The following LAPTM4B variants were observed in gnomAD, a reference collection of about 807,000 sequenced individuals.
LAPTM4B encodes the protein lysosomal-associated transmembrane protein 4B.
A neutral mutation model predicts 28.5 loss-of-function variants in LAPTM4B; 26 were observed. The observed-to-expected ratio is 0.91, with a 90% confidence interval of 0.67 to 1.27. The LOEUF (loss-of-function observed/expected upper bound fraction) is 1.27, where lower values mean the gene tolerates loss of function less well. Ranked by LOEUF, LAPTM4B falls within the 50% of genes most tolerant of loss-of-function variation. The pLI is 0.00. For missense variants in LAPTM4B, 288 were observed against 285.8 expected (o/e 1.01, Z -0.06); for synonymous variants, 109 against 106.4 (o/e 1.02, Z -0.15).
At chr8:97,842,426 C>G (rs2129848909) in intron 6 of LAPTM4B, among the ~76,000 whole-genome samples, 1 of 152,248 alleles carries the variant, frequency 6.6e-6, no homozygotes, top group Admixed American at 6.5e-5. Flanking sequence ...TTCAGTAGCC[C>G]CTGCTTTTGG....
intron 4 of LAPTM4B, among the ~76,000 whole-genome samples, chr8:97,816,415 A>C (rs1003938288): frequency 6.6e-6 from 1 of 151,830 alleles, no homozygotes; most frequent in Non-Finnish European, 1.5e-5. Context: ...CCAGGGTCTC[A>C]GCCTCCCAGC....
At chr8:97,823,087 C>T (rs1345379799) in intron 5 of LAPTM4B, among the ~76,000 whole-genome samples, 1 of 152,124 alleles carries the variant, frequency 6.6e-6, no homozygotes, top group East Asian at 1.9e-4. Context: ...GTGATCCGCC[C>T]ACCTCGGCCT....
chr8:97,823,356 G>GT (rs72472850), intron 5 of LAPTM4B, among the ~76,000 whole-genome samples: 7,465 of 130,310 alleles, frequency 0.057, 770 homozygotes, highest in African/African-American at 0.21. Flanking sequence ...TTTTTTTTTT[G>GT]TTTTTTTTTT....
chr8:97,788,987 C>G (rs747063205), intron 1 of LAPTM4B, among the ~76,000 whole-genome samples: 2 of 151,932 alleles, frequency 1.3e-5, no homozygotes, highest in Non-Finnish European at 2.9e-5. Context: ...AGCTACAGCG[C>G]CCAGCCCTGA....
intron 1 of LAPTM4B, among the ~76,000 whole-genome samples, chr8:97,788,870 A>G (rs1273264331): frequency 6.6e-6 from 1 of 151,054 alleles, no homozygotes; most frequent in Non-Finnish European, 1.5e-5. Flanking sequence ...AATTTTTTGT[A>G]TTTTTAGTAC....
intron 1 of LAPTM4B, among the ~76,000 whole-genome samples, chr8:97,800,693 T>G (rs11786654): frequency 0.23 from 34,389 of 151,682 alleles, 4,900 homozygotes; most frequent in Non-Finnish European, 0.31. Context: ...ACGGGGTTTC[T>G]TCATGTTGGT....
intron 5 of LAPTM4B, among the ~76,000 whole-genome samples, chr8:97,823,211 G>A (rs1365317663): frequency 6.6e-6 from 1 of 152,152 alleles, no homozygotes; most frequent in African/African-American, 2.4e-5. Context: ...GAAGTACCTG[G>A]GCTTTTCAAG....
chr8:97,785,242 C>T (rs775600662), intron 1 of LAPTM4B, among the ~76,000 whole-genome samples: 3 of 152,044 alleles, frequency 2.0e-5, no homozygotes, highest in Non-Finnish European at 2.9e-5. Flanking sequence ...CAGGCCACCA[C>T]GCCTGGCTTA....
At chr8:97,822,364 A>C (rs1817017220) in intron 5 of LAPTM4B, among the ~76,000 whole-genome samples, 1 of 152,042 alleles carries the variant, frequency 6.6e-6, no homozygotes, top group Non-Finnish European at 1.5e-5. Flanking sequence ...TAGTCTGACC[A>C]AGCTAACTCT....
At chr8:97,838,665 C>G (rs1023307176) in intron 6 of LAPTM4B, among the ~76,000 whole-genome samples, 2 of 152,210 alleles carry the variant, frequency 1.3e-5, no homozygotes, top group African/African-American at 4.8e-5. Context: ...GGGACTGCAG[C>G]TGGGGCCAAG....
chr8:97,811,567 T>C (rs560106683), intron 2 of LAPTM4B, among the ~76,000 whole-genome samples: 1 of 152,170 alleles, frequency 6.6e-6, no homozygotes, highest in Non-Finnish European at 1.5e-5. Context: ...ATGATGAACC[T>C]GAGGAGGGCC....
intron 6 of LAPTM4B, among the ~76,000 whole-genome samples, chr8:97,835,763 A>G (rs1817250180): frequency 6.6e-6 from 1 of 152,148 alleles, no homozygotes; most frequent in Admixed American, 6.5e-5. Context: ...GTGGGTGTAT[A>G]TTGTGTAATA....
chr8:97,837,833 G>A (rs1817285642), intron 6 of LAPTM4B, among the ~76,000 whole-genome samples: 1 of 152,080 alleles, frequency 6.6e-6, no homozygotes, highest in Admixed American at 6.5e-5. Flanking sequence ...TGTCATTATT[G>A]GCTTTCAAGC....
chr8:97,797,272 T>C (rs531988765), intron 1 of LAPTM4B, among the ~76,000 whole-genome samples: 1 of 152,088 alleles, frequency 6.6e-6, no homozygotes, highest in Admixed American at 6.6e-5. Flanking sequence ...GTAGCTGGGA[T>C]TACAGACATG....
intron 1 of LAPTM4B, among the ~76,000 whole-genome samples, chr8:97,801,838 C>T (rs1371065152): frequency 8.0e-5 from 4 of 49,962 alleles, no homozygotes; most frequent in Non-Finnish European, 1.2e-4. Flanking sequence ...TGCGAAACTC[C>T]ATCTCAAAAA....
At chr8:97,835,806 T>G (rs958596127) in intron 6 of LAPTM4B, among the ~76,000 whole-genome samples, 1 of 152,138 alleles carries the variant, frequency 6.6e-6, no homozygotes, top group Non-Finnish European at 1.5e-5. Flanking sequence ...AATTTGGTTA[T>G]AAGAGGAAAA....
chr8:97,819,360 T>C, intron 5 of LAPTM4B, 122 bp downstream of exon 5: 1 of 615,748 alleles, frequency 1.6e-6, no homozygotes, highest in Non-Finnish European at 2.8e-6. Flanking sequence ...CTTTTTGATT[T>C]CCTAAGATTA....
chr8:97,793,287 A>G (rs574494588), intron 1 of LAPTM4B, among the ~76,000 whole-genome samples: 122 of 152,226 alleles, frequency 8.0e-4, no homozygotes, highest in African/African-American at 2.7e-3. Flanking sequence ...CTGTTGATGT[A>G]TGTTTCTTCC....
chr8:97,777,893 C>T (rs185680766), intron 1 of LAPTM4B, among the ~76,000 whole-genome samples: 1 of 152,334 alleles, frequency 6.6e-6, no homozygotes, highest in Non-Finnish European at 1.5e-5. Context: ...AAGTGTCTGC[C>T]TTCCTTGAAA....
Sources: gnomAD v4.1 joint callset for allele counts (sites outside exome capture counted in the v4.1 genomes callset) on GRCh38, gnomAD v4.1.1 for gene constraint, MANE v1.5 for transcripts, NCBI Gene and HGNC (gene_info 2026-07-23, HGNC 2026-07-21) for gene names.